Variants in EFNA5 observed in about 807,000 individuals in gnomAD.
EFNA5 encodes the protein ephrin-A5.
In EFNA5, 5 loss-of-function variants were observed where a neutral mutation model predicts 22.9. That is an observed-to-expected ratio of 0.22 (90% CI 0.11 to 0.46). EFNA5 has a LOEUF of 0.46. Among genes scored for constraint, EFNA5 ranks in the 20% least tolerant of loss-of-function variants. The pLI is 0.99. For missense variants in EFNA5, 237 were observed against 293.3 expected (o/e 0.81, Z 1.40); for synonymous variants, 113 against 112.2 (o/e 1.01, Z -0.04).
chr5:107,653,488 T>C (rs1219727415), intron 1 of EFNA5, among the ~76,000 whole-genome samples: 1 of 152,116 alleles, frequency 6.6e-6, no homozygotes, highest in Non-Finnish European at 1.5e-5. Flanking sequence ...GGAGGAACAA[T>C]AGGAGGCTTT....
chr5:107,625,293 T>C (rs980279706), intron 1 of EFNA5, among the ~76,000 whole-genome samples: 19 of 152,256 alleles, frequency 1.2e-4, no homozygotes, highest in Admixed American at 7.8e-4. Flanking sequence ...GGTGAGGTTT[T>C]TGAGATTGTC....
chr5:107,456,876 C>A (rs1406011868), intron 1 of EFNA5, among the ~76,000 whole-genome samples: 1 of 152,114 alleles, frequency 6.6e-6, no homozygotes, highest in Non-Finnish European at 1.5e-5. Context: ...CTTATCTAGT[C>A]AAAATGCATC....
chr5:107,578,801 C>T (rs186547173), intron 1 of EFNA5, among the ~76,000 whole-genome samples: 1 of 152,270 alleles, frequency 6.6e-6, no homozygotes, highest in East Asian at 1.9e-4. Flanking sequence ...GGAAATGACA[C>T]TGCTGTCTGA....
intron 2 of EFNA5, among the ~76,000 whole-genome samples, chr5:107,420,522 T>TAAAAAAAAAAAAAAA (rs368304882): frequency 1.9e-4 from 21 of 108,982 alleles, no homozygotes; most frequent in African/African-American, 2.3e-4. Context: ...TCTGTGCTTT[T>TAAAAAAAAAAAAAAA]AAAAAAAAAA....
At chr5:107,439,920 C>T (rs765251601) in intron 1 of EFNA5, among the ~76,000 whole-genome samples, 4 of 152,208 alleles carry the variant, frequency 2.6e-5, no homozygotes, top group African/African-American at 9.6e-5. Context: ...AAAGAAACCA[C>T]GAGGTACTTT....
intron 1 of EFNA5, among the ~76,000 whole-genome samples, chr5:107,647,818 T>C (rs1186887165): frequency 1.3e-5 from 2 of 151,846 alleles, no homozygotes; most frequent in Non-Finnish European, 2.9e-5. Flanking sequence ...TCACAGGAAA[T>C]GGGGTGAATC....
intron 2 of EFNA5, among the ~76,000 whole-genome samples, chr5:107,401,013 G>C (rs1457696572): frequency 6.6e-6 from 1 of 152,192 alleles, no homozygotes; most frequent in African/African-American, 2.4e-5. Flanking sequence ...ACTTTAACAT[G>C]TAGTATAGTA....
At chr5:107,387,339 G>T in intron 3 of EFNA5, 24 bp from the exon 4 acceptor site, 3 of 1,499,356 alleles carry the variant, frequency 2.0e-6, no homozygotes, top group Non-Finnish European at 1.8e-6. Context: ...AGAGATAACA[G>T]CCAAATATGT....
intron 1 of EFNA5, among the ~76,000 whole-genome samples, chr5:107,521,736 T>C (rs1307806420): frequency 2.0e-5 from 3 of 152,174 alleles, no homozygotes; most frequent in Admixed American, 6.5e-5. Flanking sequence ...ATTCAAAGTA[T>C]AGTTTTGACT....
At chr5:107,422,104 T>G (rs1472013304) in intron 2 of EFNA5, among the ~76,000 whole-genome samples, 1 of 152,214 alleles carries the variant, frequency 6.6e-6, no homozygotes, top group East Asian at 1.9e-4. Flanking sequence ...TTCTTTTAGT[T>G]GCTTACTCAC....
chr5:107,650,318 C>A (rs2112552034), intron 1 of EFNA5, among the ~76,000 whole-genome samples: 1 of 152,270 alleles, frequency 6.6e-6, no homozygotes, highest in South Asian at 2.1e-4. Flanking sequence ...TACTTGTTGT[C>A]TCTCTGGAGA....
intron 1 of EFNA5, among the ~76,000 whole-genome samples, chr5:107,533,267 T>C (rs1334440800): frequency 6.6e-6 from 1 of 152,170 alleles, no homozygotes; most frequent in Admixed American, 6.5e-5. Context: ...GGGGGATCTT[T>C]TTTTCAGGTG....
intron 1 of EFNA5, among the ~76,000 whole-genome samples, chr5:107,594,516 A>C (rs1367300957): frequency 6.6e-6 from 1 of 152,204 alleles, no homozygotes; most frequent in African/African-American, 2.4e-5. Flanking sequence ...TCCACAAGCC[A>C]AACCCTTACA....
chr5:107,606,578 CACACAG>C (rs1749730016), intron 1 of EFNA5, among the ~76,000 whole-genome samples: 1 of 136,846 alleles, frequency 7.3e-6, no homozygotes, highest in South Asian at 2.5e-4. Flanking sequence ...CACACACACA[CACACAG>C]AGCTAGTAAT....
At chr5:107,567,814 C>T (rs1489458686) in intron 1 of EFNA5, among the ~76,000 whole-genome samples, 1 of 152,216 alleles carries the variant, frequency 6.6e-6, no homozygotes, top group African/African-American at 2.4e-5. Flanking sequence ...GGGCACTGGA[C>T]ATGTGAGGCA....
intron 1 of EFNA5, among the ~76,000 whole-genome samples, chr5:107,439,172 G>A (rs1580452303): frequency 6.6e-6 from 1 of 152,074 alleles, no homozygotes; most frequent in East Asian, 1.9e-4. Context: ...ACAAGGGTGG[G>A]GCCCTAATCC....
At chr5:107,411,175 A>G (rs1748356960) in intron 2 of EFNA5, among the ~76,000 whole-genome samples, 1 of 152,218 alleles carries the variant, frequency 6.6e-6, no homozygotes. Flanking sequence ...CCCCTGTTGC[A>G]CTTAAAGGAT....
intron 1 of EFNA5, among the ~76,000 whole-genome samples, chr5:107,491,960 G>A (rs1346947135): frequency 2.0e-5 from 3 of 152,010 alleles, no homozygotes; most frequent in East Asian, 1.9e-4. Context: ...TCAGCCTCCC[G>A]AGTAGCTGGG....
chr5:107,537,271 A>G (rs2112457020), intron 1 of EFNA5, among the ~76,000 whole-genome samples: 1 of 152,160 alleles, frequency 6.6e-6, no homozygotes, highest in South Asian at 2.1e-4. Flanking sequence ...AGGTGGGTGG[A>G]TCACTTGAGG....
Sources: gnomAD v4.1 joint callset for allele counts (sites outside exome capture counted in the v4.1 genomes callset) on GRCh38, gnomAD v4.1.1 for gene constraint, MANE v1.5 for transcripts, NCBI Gene and HGNC (gene_info 2026-07-23, HGNC 2026-07-21) for gene names.